The following TLK1 variants were observed in gnomAD, a reference collection of about 807,000 sequenced individuals.
TLK1 encodes tousled like kinase 1, also known as serine/threonine-protein kinase tousled-like 1.
Under a neutral mutation model 105.3 loss-of-function variants are expected in TLK1, and 24 were observed. The ratio of observed to expected loss-of-function variants is 0.23; its 90% CI spans 0.17 to 0.32. The LOEUF (loss-of-function observed/expected upper bound fraction) is 0.32. Ranked by LOEUF, TLK1 falls within the 10% of genes least tolerant of loss-of-function variation. The pLI is 1.00. For missense variants in TLK1, 558 were observed against 910.5 expected (o/e 0.61, Z 4.98); for synonymous variants, 321 against 310.4 (o/e 1.03, Z -0.36).
At chr2:170,997,863 A>C in intron 18 of TLK1, 40 bp from the exon 19 acceptor site, 2 of 1,228,494 alleles carry the variant, frequency 1.6e-6, no homozygotes, top group Non-Finnish European at 2.3e-6. Flanking sequence ...TACTACTGAC[A>C]ATCTGTAACT....
chr2:171,107,843 G>A (rs1689994473), intron 2 of TLK1, among the ~76,000 whole-genome samples: 1 of 152,062 alleles, frequency 6.6e-6, no homozygotes, highest in Admixed American at 6.6e-5. Flanking sequence ...CGAACTGCTT[G>A]AGCCCAGGAG....
intron 1 of TLK1, among the ~76,000 whole-genome samples, chr2:171,225,187 A>T (rs1315886351): frequency 7.9e-5 from 12 of 152,236 alleles, no homozygotes; most frequent in Non-Finnish European, 1.6e-4. Context: ...ATCAGTGAGA[A>T]AGTGAGAAGC....
At chr2:171,198,284 T>TA (rs745662287) in intron 1 of TLK1, among the ~76,000 whole-genome samples, 1 of 152,238 alleles carries the variant, frequency 6.6e-6, no homozygotes, top group Non-Finnish European at 1.5e-5. Context: ...TATAAATGTG[T>TA]AAGCGCATTT....
At chr2:171,060,969 C>G in intron 4 of TLK1, 112 bp downstream of exon 4, 1 of 1,093,526 alleles carries the variant, frequency 9.1e-7, no homozygotes, top group Non-Finnish European at 1.3e-6. Flanking sequence ...TGTGCACACA[C>G]CAAAATTTAC....
At position 170,992,319 on chromosome 2, in the gene TLK1, T is replaced by G. The variant is rs1209852012; in HGVS notation, c.*1461A>C. ...TTTAACTGTACAATATTAAAGAGAA[T>G]CCGTGGTACGTATAACCTTTTTCTG... is the stretch of plus-strand genomic sequence containing the variant. On this transcript the variant is annotated 3_prime_UTR_variant, in exon 21 of 21. Coordinates refer to ENST00000431350, the MANE Select transcript of TLK1 (RefSeq NM_012290.5). The G allele has an allele frequency of 6.6e-6, 1 of 152,280 alleles. No homozygotes were observed. The highest frequency in any genetic ancestry group is 1.5e-5 in the Non-Finnish European group (1 of 67,986). 9.4% of individuals were successfully genotyped at this position (152,280 alleles called of 1,614,324 possible). A position where few individuals can be genotyped will look rare whatever the true frequency, so the allele number is the denominator to read the frequency against.
At chr2:171,092,203 GTAGC>G in intron 2 of TLK1, among the ~76,000 whole-genome samples, 1 of 152,176 alleles carries the variant, frequency 6.6e-6, no homozygotes, top group Non-Finnish European at 1.5e-5. Context: ...TTTGCTCAAG[GTAGC>G]TAGAGAGCTG....
At chr2:171,206,436 T>C (rs1181861816) in intron 1 of TLK1, among the ~76,000 whole-genome samples, 1 of 152,204 alleles carries the variant, frequency 6.6e-6, no homozygotes, top group East Asian at 1.9e-4. Context: ...AGGTGATGGA[T>C]TAGCCAAATG....
chr2:171,041,064 T>TTAA (rs1264567526), intron 11 of TLK1, among the ~76,000 whole-genome samples: 1 of 152,190 alleles, frequency 6.6e-6, no homozygotes, highest in Admixed American at 6.5e-5. Context: ...GTAAAAATCT[T>TTAA]GGTTAAAATG....
At chr2:171,166,146 A>G (rs1692605307) in intron 1 of TLK1, among the ~76,000 whole-genome samples, 1 of 152,246 alleles carries the variant, frequency 6.6e-6, no homozygotes, top group Non-Finnish European at 1.5e-5. Flanking sequence ...TCCCCATCAG[A>G]GCCAATTATT....
chr2:171,158,725 AAGC>A (rs1156863516), intron 1 of TLK1, among the ~76,000 whole-genome samples: 3 of 152,230 alleles, frequency 2.0e-5, no homozygotes, highest in East Asian at 3.8e-4. Context: ...AGCATGCTAA[AAGC>A]AAGCATCAAC....
intron 14 of TLK1, among the ~76,000 whole-genome samples, chr2:171,007,833 C>G (rs1372665097): frequency 1.3e-5 from 2 of 152,102 alleles, no homozygotes; most frequent in Admixed American, 6.6e-5. Context: ...CTTCAATTTT[C>G]CCTGGTTGTC....
intron 2 of TLK1, among the ~76,000 whole-genome samples, chr2:171,112,355 C>T (rs1313033313): frequency 6.6e-6 from 1 of 152,130 alleles, no homozygotes; most frequent in Non-Finnish European, 1.5e-5. Flanking sequence ...TATTAATAAT[C>T]CAAAGGAGAA....
intron 1 of TLK1, among the ~76,000 whole-genome samples, chr2:171,197,919 G>A (rs1417802547): frequency 6.6e-6 from 1 of 152,132 alleles, no homozygotes; most frequent in East Asian, 1.9e-4. Flanking sequence ...TTTTTGGCTA[G>A]TACCCTTATA....
intron 1 of TLK1, among the ~76,000 whole-genome samples, chr2:171,195,542 G>A (rs914412967): frequency 2.7e-5 from 4 of 149,478 alleles, no homozygotes; most frequent in Admixed American, 2.0e-4. Context: ...CCATGGATAA[G>A]CTCTATATTT....
At chr2:171,073,414 TGACC>T (rs1688351156) in intron 3 of TLK1, among the ~76,000 whole-genome samples, 1 of 152,190 alleles carries the variant, frequency 6.6e-6, no homozygotes, top group Non-Finnish European at 1.5e-5. Context: ...CATGATTTCA[TGACC>T]TACAAGAACT....
chr2:171,050,147 C>T lies in TLK1; in HGVS notation c.760G>A (p.Asp254Asn). The T allele has an allele frequency of 6.3e-7, 1 of 1,596,772 alleles. No individual in the cohort carries two copies. Among genetic ancestry groups the T allele is most frequent in the Non-Finnish European group, 8.6e-7 (1 of 1,169,392 alleles). The change falls in exon 9 of 21, where the codon GAT becomes AAT. Residue 254 changes from aspartate (D) to asparagine (N), a missense_variant. By Grantham distance (23) the Asp-to-Asn change is conservative. This residue lies in a region of TLK1 where 196 missense variants were observed against 239.3 expected (regional missense o/e 0.82). Transcript: ENST00000431350. Reference sequence around the variant, plus strand: ...TTTTCAAGTAATTTTTGTTGTTCATCTATTTGCCGTCTGAGATCACAGTTA... The same window carrying T: ...TTTTCAAGTAATTTTTGTTGTTCATTTATTTGCCGTCTGAGATCACAGTTA... ...RANCDLRRQI[D>N]EQQKLLEKYK...
At chr2:171,125,417 C>A (rs932754251) in intron 1 of TLK1, among the ~76,000 whole-genome samples, 14 of 152,146 alleles carry the variant, frequency 9.2e-5, no homozygotes, top group African/African-American at 3.4e-4. Context: ...CTTAAAAGCA[C>A]GTCTATATTT....
chr2:171,058,679 G>A (rs996955144), intron 4 of TLK1, among the ~76,000 whole-genome samples: 3 of 151,974 alleles, frequency 2.0e-5, no homozygotes, highest in African/African-American at 4.8e-5. Context: ...ATATGACCAC[G>A]CTGACAAAGT....
chr2:171,048,707 G>C (rs1180443804), intron 10 of TLK1, among the ~76,000 whole-genome samples: 1 of 39,824 alleles, frequency 2.5e-5, no homozygotes, highest in Non-Finnish European at 7.8e-5. Context: ...TTGAAGAAAA[G>C]TTGAATAAAT....
Sources: gnomAD v4.1 joint callset for allele counts (sites outside exome capture counted in the v4.1 genomes callset) on GRCh38, gnomAD v4.1.1 for gene constraint, gnomAD v4.1.1 regional missense constraint, MANE v1.5 for transcripts, NCBI Gene and HGNC (gene_info 2026-07-23, HGNC 2026-07-21) for gene names.